The following CNTN5 variants were observed in gnomAD, a reference collection of about 807,000 sequenced individuals.
CNTN5 encodes contactin-5.
In CNTN5, 77 loss-of-function variants were observed where a neutral mutation model predicts 129.1. The ratio of observed to expected loss-of-function variants is 0.60; its 90% confidence interval spans 0.50 to 0.72. The LOEUF (loss-of-function observed/expected upper bound fraction) is 0.72. Among genes scored for constraint, CNTN5 ranks in the 30% least tolerant of loss-of-function variants. The probability of loss-of-function intolerance (pLI) is 0.00; values close to 1 mark genes in which losing one functional copy is unlikely to be tolerated. For synonymous variants in CNTN5, 509 were observed against 465.6 expected (o/e 1.09, Z -1.20); for missense variants, 1,478 against 1,328.8 (o/e 1.11, Z -1.75).
At chr11:99,369,477 A>G (rs1939698192) in intron 2 of CNTN5, among the ~76,000 whole-genome samples, 1 of 151,534 alleles carries the variant, frequency 6.6e-6, no homozygotes, top group Non-Finnish European at 1.5e-5. Flanking sequence ...GCTTGTCCAT[A>G]GAATGGCAGT....
chr11:99,069,395 G>A (rs1313050152), intron 1 of CNTN5, among the ~76,000 whole-genome samples: 1 of 152,052 alleles, frequency 6.6e-6, no homozygotes, highest in Non-Finnish European at 1.5e-5. Context: ...TGTAAATCAA[G>A]GTAAAAAATA....
chr11:100,130,897 A>G (rs1946353099), intron 13 of CNTN5, among the ~76,000 whole-genome samples: 1 of 152,092 alleles, frequency 6.6e-6, no homozygotes, highest in Non-Finnish European at 1.5e-5. Context: ...GAGGTAAGCT[A>G]TATTCCATCT....
Position 99,999,200 on chromosome 11 carries a change from A to T in CNTN5, c.878-2834A>T, listed in dbSNP as rs1332292199. Among the ~76,000 whole-genome samples the T allele has an allele frequency of 3.9e-5, 6 of 152,270 alleles. No homozygotes were observed. In the East Asian group the frequency reaches 1.2e-3, roughly 29 times the overall value. On this transcript the variant is annotated intron_variant, in intron 8 of 24. Coordinates refer to ENST00000524871, the MANE Select transcript of CNTN5 (RefSeq NM_014361.4). ...GAGCTTCTGCACAGCAAAAGAAACTACCATCAGAGTGAACAGGCAACCAAT... is the reference window on the plus strand; with the variant it reads ...GAGCTTCTGCACAGCAAAAGAAACTTCCATCAGAGTGAACAGGCAACCAAT...
At chr11:99,745,600 C>CA (rs1215001290) in intron 3 of CNTN5, among the ~76,000 whole-genome samples, 3 of 152,054 alleles carry the variant, frequency 2.0e-5, no homozygotes, top group Non-Finnish European at 4.4e-5. Context: ...GGCTTAGATG[C>CA]AAAAAATGAT....
At chr11:99,295,197 A>T (rs1226689096) in intron 1 of CNTN5, among the ~76,000 whole-genome samples, 1 of 152,186 alleles carries the variant, frequency 6.6e-6, no homozygotes, top group Admixed American at 6.5e-5. Flanking sequence ...CGAACCACCA[A>T]AAAACAAATA....
At chr11:100,308,852 C>T in intron 21 of CNTN5, 1 of 984,252 alleles carries the variant, frequency 1.0e-6, no homozygotes, top group Non-Finnish European at 1.2e-6. Context: ...GTATCTCTTA[C>T]CCTCAGTGCT....
intron 2 of CNTN5, among the ~76,000 whole-genome samples, chr11:99,544,410 T>C (rs2135504909): frequency 7.6e-6 from 1 of 132,354 alleles, no homozygotes; most frequent in Non-Finnish European, 1.7e-5. Flanking sequence ...AAATTAAATG[T>C]GCTATTTATA....
intron 9 of CNTN5, among the ~76,000 whole-genome samples, chr11:100,039,487 C>T (rs1232675065): frequency 1.3e-5 from 2 of 152,098 alleles, no homozygotes; most frequent in Non-Finnish European, 2.9e-5. Flanking sequence ...ATGGCATTCT[C>T]TGTATTTCCT....
intron 3 of CNTN5, among the ~76,000 whole-genome samples, chr11:99,637,382 G>C (rs1316437689): frequency 6.6e-6 from 1 of 152,086 alleles, no homozygotes; most frequent in Non-Finnish European, 1.5e-5. Context: ...GTTGTATATA[G>C]CATAATACTT....
intron 1 of CNTN5, among the ~76,000 whole-genome samples, chr11:99,244,615 C>T (rs1315971232): frequency 6.6e-6 from 1 of 152,142 alleles, no homozygotes; most frequent in African/African-American, 2.4e-5. Flanking sequence ...AAACTTAAGG[C>T]AGTCCTTCAG....
chr11:100,071,198 A>G, intron 11 of CNTN5, among the ~76,000 whole-genome samples: 1 of 152,116 alleles, frequency 6.6e-6, no homozygotes, highest in Non-Finnish European at 1.5e-5. Flanking sequence ...GTCACAAGGC[A>G]GTTTTCTATC....
chr11:100,131,520 GAC>G (rs1946379259), intron 13 of CNTN5, among the ~76,000 whole-genome samples: 1 of 151,996 alleles, frequency 6.6e-6, no homozygotes, highest in Admixed American at 6.6e-5. Context: ...GGGGGAAACT[GAC>G]ACAAAAAGCC....
chr11:99,082,986 TC>T (rs934026717), intron 1 of CNTN5, among the ~76,000 whole-genome samples: 1 of 151,756 alleles, frequency 6.6e-6, no homozygotes, highest in African/African-American at 2.4e-5. Flanking sequence ...CTTTCTACAT[TC>T]CCCCTTCTTA....
chr11:99,460,756 A>C (rs113398777), intron 2 of CNTN5, among the ~76,000 whole-genome samples: 1,873 of 152,084 alleles, frequency 0.012, 42 homozygotes, highest in African/African-American at 0.042. Flanking sequence ...AAGAGGGAAA[A>C]GTCGAATTCT....
At chr11:99,183,965 G>T (rs1225630391) in intron 1 of CNTN5, among the ~76,000 whole-genome samples, 1 of 152,042 alleles carries the variant, frequency 6.6e-6, no homozygotes, top group African/African-American at 2.4e-5. Flanking sequence ...TCTAATAGAT[G>T]AATGAAGACT....
At chr11:100,301,266 T>A (rs1268074168) in intron 20 of CNTN5, among the ~76,000 whole-genome samples, 1 of 151,652 alleles carries the variant, frequency 6.6e-6, no homozygotes, top group Non-Finnish European at 1.5e-5. Flanking sequence ...ACGCTTTGTA[T>A]AGTAACAACA....
chr11:99,669,195 A>C (rs1952927641), intron 3 of CNTN5, among the ~76,000 whole-genome samples: 1 of 152,134 alleles, frequency 6.6e-6, no homozygotes, highest in Admixed American at 6.6e-5. Flanking sequence ...GAAGGTAGAC[A>C]TATGGAGGTT....
chr11:100,140,731 C>CA (rs767743891), intron 13 of CNTN5, among the ~76,000 whole-genome samples: 3 of 152,098 alleles, frequency 2.0e-5, no homozygotes, highest in Non-Finnish European at 2.9e-5. Context: ...AGAATTAAGA[C>CA]AGATAGAGTG....
intron 4 of CNTN5, among the ~76,000 whole-genome samples, chr11:99,832,297 C>A (rs78035514): frequency 6.6e-6 from 1 of 152,104 alleles, no homozygotes; most frequent in African/African-American, 2.4e-5. Flanking sequence ...CAAATCCCAA[C>A]GAGGCAAAAA....
Sources: allele counts gnomAD v4.1 joint callset (sites outside exome capture counted in the v4.1 genomes callset), GRCh38; gene constraint gnomAD v4.1.1; transcripts MANE v1.5; gene names NCBI Gene and HGNC (gene_info 2026-07-23, HGNC 2026-07-21).